PHIP: variants seen among roughly 807,000 people sequenced by gnomAD.
PHIP encodes PH-interacting protein.
Under a neutral mutation model 236.8 loss-of-function variants are expected in PHIP, and 54 were observed. The ratio of observed to expected loss-of-function variants is 0.23; its 90% CI spans 0.18 to 0.29. The LOEUF is 0.29. Ranked by LOEUF, PHIP falls within the 10% of genes least tolerant of loss-of-function variation. The pLI is 1.00. For synonymous variants in PHIP, 756 were observed against 718.9 expected (o/e 1.05, Z -0.83); for missense variants, 1,370 against 2,190.8 (o/e 0.63, Z 7.48).
At chr6:78,972,869 T>C (rs1222439190) in intron 24 of PHIP, among the ~76,000 whole-genome samples, 2 of 152,140 alleles carry the variant, frequency 1.3e-5, no homozygotes, top group Non-Finnish European at 2.9e-5. Flanking sequence ...CCAAGAAATA[T>C]AGGACTATGT....
chr6:79,076,851 A>G (rs1343993266), intron 4 of PHIP, among the ~76,000 whole-genome samples: 1 of 152,184 alleles, frequency 6.6e-6, no homozygotes, highest in African/African-American at 2.4e-5. Flanking sequence ...CTGACCAACT[A>G]TCATCACACA....
At chr6:78,972,464 A>G (rs1456215196) in intron 24 of PHIP, among the ~76,000 whole-genome samples, 2 of 152,228 alleles carry the variant, frequency 1.3e-5, no homozygotes, top group Non-Finnish European at 2.9e-5. Context: ...TCTAAAAATC[A>G]GAGCACCTCT....
chr6:78,994,961 C>G (rs556389977), intron 19 of PHIP, among the ~76,000 whole-genome samples: 1 of 152,194 alleles, frequency 6.6e-6, no homozygotes, highest in East Asian at 1.9e-4. Flanking sequence ...AACTTTTATA[C>G]GCACTTGGAA....
intron 34 of PHIP, 93 bp downstream of exon 34, chr6:78,955,139 T>G: frequency 1.1e-6 from 1 of 926,424 alleles, no homozygotes; most frequent in Non-Finnish European, 1.6e-6. Context: ...ATACTTAATG[T>G]CTTTTAAAAT....
intron 19 of PHIP, 145 bp from the exon 20 acceptor site, chr6:78,991,130 T>A: frequency 1.7e-6 from 1 of 600,582 alleles, no homozygotes; most frequent in Non-Finnish European, 3.0e-6. Context: ...TAAGTTTAAT[T>A]TCATAGGTTG....
intron 7 of PHIP, among the ~76,000 whole-genome samples, chr6:79,032,995 A>G (rs1394771073): frequency 1.3e-5 from 2 of 152,138 alleles, no homozygotes; most frequent in African/African-American, 4.8e-5. Context: ...ACCACCTTGT[A>G]TATTTCCATC....
intron 4 of PHIP, among the ~76,000 whole-genome samples, chr6:79,074,267 A>G (rs1234518626): frequency 2.0e-5 from 3 of 152,230 alleles, no homozygotes; most frequent in South Asian, 2.1e-4. Flanking sequence ...CTTGGGGGGA[A>G]AAAAGAGAAG....
chr6:79,020,642 T>C (rs988737795), intron 9 of PHIP, among the ~76,000 whole-genome samples: 14 of 152,290 alleles, frequency 9.2e-5, no homozygotes, highest in African/African-American at 3.4e-4. Flanking sequence ...AAACTACCAT[T>C]TTTAAAAGGT....
At chr6:79,067,066 T>G (rs1161725022) in intron 4 of PHIP, among the ~76,000 whole-genome samples, 1 of 152,184 alleles carries the variant, frequency 6.6e-6, no homozygotes. Flanking sequence ...TATTTTATTT[T>G]TTTAGATACA....
rs182884992 is a variant in PHIP at position 78,960,484 on chromosome 6, C to A, written c.3656+1206G>T. On this transcript the variant is annotated intron_variant, in intron 31 of 39. Transcript: ENST00000275034. ...TTTTTTTTCTCTTAAACTTCCAACACCTGATATTGAAAAAGACTTGAAGAA... is the reference window on the plus strand; with the variant it reads ...TTTTTTTTCTCTTAAACTTCCAACAACTGATATTGAAAAAGACTTGAAGAA... Among the ~76,000 whole-genome samples, 474 of 150,004 alleles carry A rather than the reference C, an allele frequency of 3.2e-3. 3 individuals are homozygous for A. Among genetic ancestry groups the A allele is most frequent in the African/African-American group, 0.011 (448 of 40,736 alleles).
intron 31 of PHIP, among the ~76,000 whole-genome samples, chr6:78,959,164 T>C (rs541944888): frequency 1.1e-4 from 17 of 152,196 alleles, no homozygotes; most frequent in African/African-American, 4.1e-4. Flanking sequence ...AATGCTAAAA[T>C]AAAATCTGGA....
chr6:79,070,236 G>C (rs1341643055), intron 4 of PHIP, among the ~76,000 whole-genome samples: 1 of 152,074 alleles, frequency 6.6e-6, no homozygotes, highest in African/African-American at 2.4e-5. Flanking sequence ...TCTCTTTAAA[G>C]CATTATTAGT....
At chr6:79,025,682 T>A in intron 8 of PHIP, 63 bp from the exon 9 acceptor site, 2 of 1,083,524 alleles carry the variant, frequency 1.8e-6, no homozygotes, top group South Asian at 2.7e-5. Flanking sequence ...TAAAATCTAC[T>A]TTTTGCCATA....
At chr6:79,047,377 T>A (rs1444679260) in intron 6 of PHIP, among the ~76,000 whole-genome samples, 1 of 152,184 alleles carries the variant, frequency 6.6e-6, no homozygotes, top group Admixed American at 6.6e-5. Context: ...ACTGATTTAC[T>A]TATCCAATCA....
At chr6:79,024,350 T>C (rs1771279035) in intron 9 of PHIP, among the ~76,000 whole-genome samples, 1 of 152,198 alleles carries the variant, frequency 6.6e-6, no homozygotes, top group Admixed American at 6.6e-5. Context: ...TACTGATATA[T>C]ACCTTCTAAT....
In PHIP at chr6:78,938,293, A is replaced by G. The variant is rs1222359525; in HGVS notation, c.*2400T>C. On this transcript the variant is annotated 3_prime_UTR_variant, in exon 40 of 40. Coordinates refer to ENST00000275034, the MANE Select transcript of PHIP (RefSeq NM_017934.7). ...AATATACAGTGTCTGTAGAACAGGA[A>G]TAATACATTTACATGTTATAGGAAA... 1 of 151,710 alleles carries G rather than the reference A, an allele frequency of 6.6e-6. No individual in the cohort carries two copies. Among genetic ancestry groups the G allele is most frequent in the African/African-American group, 2.4e-5 (1 of 41,432 alleles). 9.4% of individuals were successfully genotyped at this position (151,710 alleles called of 1,614,324 possible). A position where few individuals can be genotyped will look rare whatever the true frequency, so the allele number is the denominator to read the frequency against.
At chr6:79,030,741 G>A (rs1029134592) in intron 7 of PHIP, among the ~76,000 whole-genome samples, 1 of 152,164 alleles carries the variant, frequency 6.6e-6, no homozygotes, top group African/African-American at 2.4e-5. Flanking sequence ...GATAGCAGAT[G>A]AGATTACGAA....
rs923557698 is a variant in PHIP, at chr6:78,941,206, A to G, written c.4953T>C (p.Ser1651=). 57 of 1,613,854 alleles carry G rather than the reference A, an allele frequency of 3.5e-5. No individual in the cohort carries two copies. The Admixed American group carries it at 6.5e-4, about 18-fold the overall frequency. The change falls in exon 40 of 40, where the codon AGT becomes AGC. Residue 1651 remains serine, a synonymous_variant. Transcript: ENST00000275034. ...CCCTTTTCTTGTGTATAATTTCACC[A>G]CTATTGGTATTAACTTCTACTTTAG... The part of the protein sequence containing the change: ...RKPKVEVNTN[S]GEIIHKKRGR...
chr6:79,078,253 C>A lies in PHIP; in HGVS notation c.-185G>T. Reference sequence around the variant, plus strand: ...GGAAACAACAACTCTCAGGCAGCGACTACGGCCGTGGCCGCCTCCGCCGCG... The same window carrying A: ...GGAAACAACAACTCTCAGGCAGCGAATACGGCCGTGGCCGCCTCCGCCGCG... On this transcript the variant is annotated 5_prime_UTR_variant, in exon 1 of 40. Transcript: ENST00000275034. The A allele has an allele frequency of 1.8e-6, 1 of 568,350 alleles. No individual in the cohort carries two copies. Among genetic ancestry groups the A allele is most frequent in the Non-Finnish European group, 3.1e-6 (1 of 325,522 alleles). The allele number at this position is 568,350 out of a possible 1,614,324, so 35.2% of individuals were successfully genotyped here. A position where few individuals can be genotyped will look rare whatever the true frequency, so the allele number is the denominator to read the frequency against.
Sources: allele counts gnomAD v4.1 joint callset (sites outside exome capture counted in the v4.1 genomes callset), GRCh38; gene constraint gnomAD v4.1.1; transcripts MANE v1.5; gene names NCBI Gene and HGNC (gene_info 2026-07-23, HGNC 2026-07-21).